The following STN1 variants were observed in gnomAD, a reference collection of about 807,000 sequenced individuals.
The protein encoded by STN1 is CST complex subunit STN1.
Under a neutral mutation model 45.5 loss-of-function variants are expected in STN1, and 29 were observed. That is an observed-to-expected ratio of 0.64 (90% CI 0.47 to 0.87). The LOEUF is 0.87. Ranked by LOEUF, STN1 falls within the 40% of genes least tolerant of loss-of-function variation. STN1 has a pLI of 0.00. For missense variants in STN1, 376 were observed against 441.4 expected (o/e 0.85, Z 1.33); for synonymous variants, 148 against 159.0 (o/e 0.93, Z 0.52).
intron 7 of STN1, among the ~76,000 whole-genome samples, chr10:103,896,694 CCT>C (rs963328228): frequency 2.4e-4 from 36 of 151,438 alleles, no homozygotes; most frequent in Non-Finnish European, 3.4e-4. Flanking sequence ...AGAGTGAGAC[CCT>C]GTCTAATTTT....
chr10:103,882,423 G>A lies in STN1; in HGVS notation c.*261C>T, dbSNP rs564037271. 2.0e-4 allele frequency: 84 copies of A among 416,302 alleles called. No homozygotes were observed. The East Asian group carries it at 3.5e-3, about 17-fold the overall frequency. The allele number at this position is 416,302 out of a possible 1,614,324, so 25.8% of individuals were successfully genotyped here. On this transcript the variant is annotated 3_prime_UTR_variant, in exon 10 of 10. Coordinates refer to ENST00000224950, the MANE Select transcript of STN1 (RefSeq NM_024928.5). Reference sequence around the variant, plus strand: ...CATTCTGCTCTGCGAACAACGCACAGTCCAGCCAGGAGCTCAACAGGGAGG... The same window carrying A: ...CATTCTGCTCTGCGAACAACGCACAATCCAGCCAGGAGCTCAACAGGGAGG...
intron 7 of STN1, among the ~76,000 whole-genome samples, chr10:103,894,763 C>T (rs923295389): frequency 6.6e-6 from 1 of 151,528 alleles, no homozygotes; most frequent in Admixed American, 6.6e-5. Context: ...TACCAAGCCT[C>T]GCCTCATCTC....
At chr10:103,899,091 A>G in intron 5 of STN1, 91 bp from the exon 6 acceptor site, 2 of 1,432,200 alleles carry the variant, frequency 1.4e-6, no homozygotes, top group South Asian at 2.5e-5. Flanking sequence ...CTAAGACAAC[A>G]GTAAATGAGG....
In STN1 at chr10:103,879,127, C is replaced by T. The variant is rs1413059582; in HGVS notation, c.*3557G>A. 5.2e-5 allele frequency: 8 copies of T among 152,410 alleles called. No homozygotes were observed. Among genetic ancestry groups the T allele is most frequent in the Non-Finnish European group, 7.3e-5 (5 of 68,262 alleles). The allele number at this position is 152,410 out of a possible 1,614,324, so 9.4% of individuals were successfully genotyped here. A position where few individuals can be genotyped will look rare whatever the true frequency, so the allele number is the denominator to read the frequency against. On this transcript the variant is annotated 3_prime_UTR_variant, in exon 10 of 10. Coordinates refer to ENST00000224950, the MANE Select transcript of STN1 (RefSeq NM_024928.5). ...ACTAAGACATGTGAGAAAGCACCCC[C>T]GCAACCACTGCCCCTAGGAAAGAGG...
intron 3 of STN1, among the ~76,000 whole-genome samples, chr10:103,905,790 C>T (rs1321594807): frequency 6.6e-6 from 1 of 152,114 alleles, no homozygotes; most frequent in African/African-American, 2.4e-5. Context: ...ATAATTATAT[C>T]CTGGCCACAA....
chr10:103,884,711 G>A (rs912304724), intron 9 of STN1, among the ~76,000 whole-genome samples: 1 of 152,172 alleles, frequency 6.6e-6, no homozygotes, highest in African/African-American at 2.4e-5. Context: ...GCAAAGCACG[G>A]TTCAAGGTTT....
intron 8 of STN1, among the ~76,000 whole-genome samples, chr10:103,890,149 GAAGA>G (rs1046290361): frequency 2.6e-5 from 4 of 152,098 alleles, no homozygotes; most frequent in African/African-American, 4.8e-5. Flanking sequence ...AGGAAGAAAG[GAAGA>G]AAGAAAATAG....
At chr10:103,885,967 A>G (rs6584579) in intron 9 of STN1, among the ~76,000 whole-genome samples, 67,390 of 151,994 alleles carry the variant, frequency 0.44, 15,577 homozygotes, top group East Asian at 0.66. Flanking sequence ...CAGAAACCAC[A>G]AAGGCTAATG....
In STN1 at chr10:103,900,235, T is replaced by C. The variant is rs1183194233; in HGVS notation, c.296-12A>G. ...TGCACTTGGAGCAGCTGTAGTTGTT[T>C]AGAGCCAGAGGGAAAGAGAAAAAGT... is the stretch of plus-strand genomic sequence containing the variant. On this transcript the variant is annotated splice_polypyrimidine_tract_variant and intron_variant, in intron 4 of 9. Transcript: ENST00000224950. The C allele has an allele frequency of 7.4e-6, 12 of 1,612,896 alleles. 1 individual carries two copies. The South Asian group carries it at 9.9e-5, about 13-fold the overall frequency.
At chr10:103,892,391 C>G (rs1018987303) in intron 7 of STN1, 139 bp from the exon 8 acceptor site, 2 of 712,582 alleles carry the variant, frequency 2.8e-6, no homozygotes, top group African/African-American at 3.6e-5. Flanking sequence ...CTGGTATGTA[C>G]CGGCCTAGCA....
At position 103,905,135 on chromosome 10, in the gene STN1, A is replaced by G. The variant is rs894719968; in HGVS notation, c.251T>C (p.Ile84Thr). ...CAACTTTTTCCAGCAGATGCAGTTT[A>G]TAACTCCAGTGCTGTCATCCACTGC... ...SYGVDDSTGV[I>T]NCICWKKLNT... is the part of the protein sequence containing the mutation. The change falls in exon 4 of 10, where the codon ATA becomes ACA. Residue 84 changes from isoleucine (I) to threonine (T), a missense_variant. Coordinates refer to ENST00000224950, the MANE Select transcript of STN1 (RefSeq NM_024928.5). The G allele has an allele frequency of 1.2e-6, 2 of 1,614,142 alleles. No homozygotes were observed. Among genetic ancestry groups the G allele is most frequent in the Non-Finnish European group, 1.7e-6 (2 of 1,179,970 alleles).
intron 7 of STN1, among the ~76,000 whole-genome samples, chr10:103,894,474 C>G (rs962578593): frequency 1.3e-5 from 2 of 152,232 alleles, no homozygotes; most frequent in African/African-American, 4.8e-5. Flanking sequence ...TAAATATAAA[C>G]AATACTTGAA....
At chr10:103,915,468 C>T (rs147123066) in intron 2 of STN1, among the ~76,000 whole-genome samples, 116 of 152,206 alleles carry the variant, frequency 7.6e-4, no homozygotes, top group African/African-American at 2.4e-3. Flanking sequence ...ATAATGATGA[C>T]GCTCCTATCA....
chr10:103,906,254 C>G (rs1164998399), intron 3 of STN1, among the ~76,000 whole-genome samples: 1 of 152,148 alleles, frequency 6.6e-6, no homozygotes, highest in Non-Finnish European at 1.5e-5. Context: ...CTTCTTTAAG[C>G]AGAATCTTAA....
Position 103,881,844 on chromosome 10 carries a change from T to C in STN1, c.*840A>G, listed in dbSNP as rs1843070979. Among the ~76,000 whole-genome samples, 1 of 152,230 alleles carries C rather than the reference T, an allele frequency of 6.6e-6. No homozygotes were observed. The highest frequency in any genetic ancestry group is 1.5e-5 in the Non-Finnish European group (1 of 68,048). ...CAAAAGCATGACTCCATCACCTGTC[T>C]GGGCACATACCGAGTCTTTGTCTGG... is the stretch of plus-strand genomic sequence containing the variant. On this transcript the variant is annotated 3_prime_UTR_variant, in exon 10 of 10. Transcript: ENST00000224950.
At position 103,917,650 on chromosome 10, in the gene STN1, C is replaced by T. The variant is rs966736659; in HGVS notation, c.-56G>A. 11 of 1,587,460 alleles carry T rather than the reference C, an allele frequency of 6.9e-6. No homozygotes were observed. Among genetic ancestry groups the T allele is most frequent in the Non-Finnish European group, 9.4e-6 (11 of 1,165,392 alleles). On this transcript the variant is annotated 5_prime_UTR_variant, in exon 2 of 10. Transcript: ENST00000224950. ...TCTGAAAGGTTCTGCATCACTGAGT[C>T]AAGCATCTAGATGGGACACAGAAAT...
intron 2 of STN1, among the ~76,000 whole-genome samples, chr10:103,911,290 A>C (rs1009024566): frequency 1.3e-5 from 2 of 152,126 alleles, no homozygotes; most frequent in Admixed American, 6.5e-5. Context: ...GCCAGGACAC[A>C]GAGGGGCTGC....
chr10:103,900,270 ATCACTC>A (rs1426788320), intron 4 of STN1, 47 bp from the exon 5 acceptor site: 4 of 1,588,544 alleles, frequency 2.5e-6, no homozygotes, highest in Non-Finnish European at 3.4e-6. Context: ...TTATAACACA[ATCACTC>A]TACCACATCT....
chr10:103,891,095 T>A (rs1843136722), intron 8 of STN1, among the ~76,000 whole-genome samples: 1 of 152,216 alleles, frequency 6.6e-6, no homozygotes, highest in Non-Finnish European at 1.5e-5. Context: ...AAAGCTTAAA[T>A]GGCCATGCCC....
Sources: allele counts gnomAD v4.1 joint callset (sites outside exome capture counted in the v4.1 genomes callset), GRCh38; gene constraint gnomAD v4.1.1; transcripts MANE v1.5; gene names NCBI Gene and HGNC (gene_info 2026-07-23, HGNC 2026-07-21).